Variants in ST8SIA5 observed in about 807,000 individuals in gnomAD.
ST8SIA5 encodes ST8 alpha-N-acetyl-neuraminide alpha-2,8-sialyltransferase 5, also known as alpha-2,8-sialyltransferase 8E.
In ST8SIA5, 24 loss-of-function variants were observed where a neutral mutation model predicts 40.2. That is an observed-to-expected ratio of 0.60 (90% confidence interval 0.43 to 0.84). The LOEUF (loss-of-function observed/expected upper bound fraction) is 0.84. Among genes scored for constraint, ST8SIA5 ranks in the 40% least tolerant of loss-of-function variants. ST8SIA5 has a pLI of 0.00. For synonymous variants in ST8SIA5, 198 were observed against 201.8 expected, an observed-to-expected ratio of 0.98 and a Z score of 0.16; for missense variants, 465 against 498.5, an observed-to-expected ratio of 0.93 and a Z score of 0.64.
chr18:46,686,350 A>AC, intron 4 of ST8SIA5, 64 bp from the exon 5 acceptor site: 1 of 1,365,482 alleles, frequency 7.3e-7, no homozygotes, highest in Non-Finnish European at 1.0e-6. Flanking sequence ...TGCTACTCTC[A>AC]CCTCTGCAAG....
At chr18:46,689,393 C>T (rs1050638912) in intron 3 of ST8SIA5, among the ~76,000 whole-genome samples, 1 of 152,126 alleles carries the variant, frequency 6.6e-6, no homozygotes, top group Admixed American at 6.5e-5. Context: ...CTTGGGCTGC[C>T]GTCCTGGTGT....
intron 1 of ST8SIA5, among the ~76,000 whole-genome samples, chr18:46,746,108 T>A (rs1416249200): frequency 2.0e-5 from 3 of 152,200 alleles, no homozygotes; most frequent in Non-Finnish European, 4.4e-5. Flanking sequence ...ACAGCCAGTA[T>A]CATACTGAAT....
chr18:46,747,905 G>GT (rs2040156275), intron 1 of ST8SIA5, among the ~76,000 whole-genome samples: 1 of 152,216 alleles, frequency 6.6e-6, no homozygotes, highest in Non-Finnish European at 1.5e-5. Context: ...AAAAGGATGA[G>GT]TTCATGTCCT....
At chr18:46,706,584 T>A (rs2039672279) in intron 1 of ST8SIA5, among the ~76,000 whole-genome samples, 1 of 152,226 alleles carries the variant, frequency 6.6e-6, no homozygotes, top group African/African-American at 2.4e-5. Context: ...TTGTGTTCCT[T>A]TCCAAACCAC....
At chr18:46,726,035 A>T (rs2144537514) in intron 1 of ST8SIA5, among the ~76,000 whole-genome samples, 1 of 91,386 alleles carries the variant, frequency 1.1e-5, no homozygotes, top group African/African-American at 5.3e-5. Context: ...TATATCCTGG[A>T]TATATATATA....
intron 2 of ST8SIA5, among the ~76,000 whole-genome samples, chr18:46,701,408 T>C (rs910646465): frequency 4.6e-5 from 7 of 152,102 alleles, no homozygotes; most frequent in Non-Finnish European, 1.0e-4. Context: ...CCCAAAGTGC[T>C]GGGATTACAG....
intron 2 of ST8SIA5, 53 bp downstream of exon 2, chr18:46,704,519 C>T (rs1440007295): frequency 6.6e-7 from 1 of 1,520,562 alleles, no homozygotes; most frequent in Non-Finnish European, 9.1e-7. Context: ...CACCCCCAAC[C>T]CCTGCCCCAC....
Position 46,692,164 on chromosome 18 carries a change from G to A in ST8SIA5, c.311+5C>T. ...GAGAAGGGAGGACAGACGAATCATA[G>A]ATACTTGAACTGGTTGGCCTCAGAG... is the stretch of plus-strand genomic sequence containing the variant. On this transcript the variant is annotated splice_donor_5th_base_variant and intron_variant, in intron 3 of 6. Coordinates refer to ENST00000315087, the MANE Select transcript of ST8SIA5 (RefSeq NM_013305.6). 3.7e-6 allele frequency: 6 copies of A among 1,614,044 alleles called. No homozygotes were observed. Among genetic ancestry groups the A allele is most frequent in the Non-Finnish European group, 5.1e-6 (6 of 1,179,938 alleles).
At chr18:46,714,500 G>A (rs1170762938) in intron 1 of ST8SIA5, among the ~76,000 whole-genome samples, 3 of 152,186 alleles carry the variant, frequency 2.0e-5, no homozygotes, top group Admixed American at 6.5e-5. Flanking sequence ...CGGAGTCTGG[G>A]GAGTTGACCT....
intron 2 of ST8SIA5, among the ~76,000 whole-genome samples, chr18:46,698,997 T>A (rs1180434291): frequency 1.3e-5 from 2 of 152,166 alleles, no homozygotes. Context: ...ATCTACATCA[T>A]CCCAATAATG....
At chr18:46,756,201 A>G (rs2040243188) in intron 1 of ST8SIA5, among the ~76,000 whole-genome samples, 177 bp downstream of exon 1, 1 of 152,218 alleles carries the variant, frequency 6.6e-6, no homozygotes, top group South Asian at 2.1e-4. Context: ...GGCAGAAGCA[A>G]GCAAGGATGC....
chr18:46,695,747 G>T (rs1033904058), intron 2 of ST8SIA5, among the ~76,000 whole-genome samples: 8 of 152,220 alleles, frequency 5.3e-5, no homozygotes, highest in Admixed American at 5.2e-4. Flanking sequence ...TAACTCAAGT[G>T]CTAAGGCACA....
At chr18:46,694,234 T>C (rs1415619325) in intron 2 of ST8SIA5, among the ~76,000 whole-genome samples, 1 of 152,168 alleles carries the variant, frequency 6.6e-6, no homozygotes, top group African/African-American at 2.4e-5. Context: ...TCTTTTTTTT[T>C]GTTTGTTTTT....
rs369116594 is a variant in ST8SIA5, at chr18:46,692,269, G to C, written c.225-14C>G. Reference sequence around the variant, plus strand: ...GACTGCTTCACCCTTGGGAGTAGAGGACAGAAGAGTACATGAGCAGGGTAG... The same window carrying C: ...GACTGCTTCACCCTTGGGAGTAGAGCACAGAAGAGTACATGAGCAGGGTAG... On this transcript the variant is annotated splice_polypyrimidine_tract_variant and intron_variant, in intron 2 of 6. Transcript: ENST00000315087. 2.5e-6 allele frequency: 4 copies of C among 1,613,392 alleles called. No individual in the cohort carries two copies. The African/African-American group carries it at 4.0e-5, about 16-fold the overall frequency.
rs1469063812 is a variant in ST8SIA5, at chr18:46,668,878, G to A, written c.*11164C>T. On this transcript the variant is annotated 3_prime_UTR_variant, in exon 7 of 7. Transcript: ENST00000315087. ...GAAGAGTACAGGACGATGGGCTCGG[G>A]AGTCCGGGGTAGTCTGGCAGGAGCT... 2.0e-5 allele frequency: 3 copies of A among 152,324 alleles called. No homozygotes were observed. Among genetic ancestry groups the A allele is most frequent in the African/African-American group, 7.2e-5 (3 of 41,472 alleles). 9.4% of individuals were successfully genotyped at this position (152,324 alleles called of 1,614,324 possible).
chr18:46,726,809 C>T (rs2039935877), intron 1 of ST8SIA5, among the ~76,000 whole-genome samples: 1 of 152,252 alleles, frequency 6.6e-6, no homozygotes, highest in East Asian at 1.9e-4. Context: ...ATCTCAGCTA[C>T]TCAGGAGGCT....
At chr18:46,739,084 G>A (rs2040063015) in intron 1 of ST8SIA5, among the ~76,000 whole-genome samples, 2 of 152,218 alleles carry the variant, frequency 1.3e-5, no homozygotes, top group South Asian at 4.1e-4. Context: ...GATGTGCTAA[G>A]TAGAGACACC....
At chr18:46,743,900 G>A (rs1385411243) in intron 1 of ST8SIA5, among the ~76,000 whole-genome samples, 2 of 152,120 alleles carry the variant, frequency 1.3e-5, no homozygotes, top group East Asian at 1.9e-4. Flanking sequence ...AGAGAGTGGG[G>A]GCCAATATTC....
At position 46,677,167 on chromosome 18, in the gene ST8SIA5, C is replaced by T. The variant is rs1252170507; in HGVS notation, c.*2875G>A. ...GATGACAGCCTCCTAGAGCATTTGT[C>T]CCTGGAGGAGGGCCCCGTACTATCC... On this transcript the variant is annotated 3_prime_UTR_variant, in exon 7 of 7. Transcript: ENST00000315087. The T allele has an allele frequency of 6.6e-6, 1 of 152,222 alleles. No individual in the cohort carries two copies. The highest frequency in any genetic ancestry group is 1.5e-5 in the Non-Finnish European group (1 of 68,058). The allele number at this position is 152,222 out of a possible 1,614,324, so 9.4% of individuals were successfully genotyped here.
Sources: allele counts gnomAD v4.1 joint callset (sites outside exome capture counted in the v4.1 genomes callset), GRCh38; gene constraint gnomAD v4.1.1; transcripts MANE v1.5; gene names NCBI Gene and HGNC (gene_info 2026-07-23, HGNC 2026-07-21).